SGPL1: variants seen among roughly 807,000 people sequenced by gnomAD.
SGPL1 encodes the protein SP-lyase 1.
A neutral mutation model predicts 68.9 loss-of-function variants in SGPL1; 37 were observed. The ratio of observed to expected loss-of-function variants is 0.54; its 90% CI spans 0.41 to 0.71. The LOEUF is 0.71. SGPL1 is among the 30% of genes least tolerant of loss of function. The probability of loss-of-function intolerance (pLI) is 0.00; values close to 1 mark genes in which losing one functional copy is unlikely to be tolerated. For missense variants in SGPL1, 551 were observed against 704.6 expected (o/e 0.78, Z 2.47); for synonymous variants, 236 against 248.5 (o/e 0.95, Z 0.47).
intron 3 of SGPL1, among the ~76,000 whole-genome samples, chr10:70,844,888 C>T (rs1360862982): frequency 3.9e-5 from 6 of 152,118 alleles, no homozygotes; most frequent in Middle Eastern, 3.4e-3. Context: ...TACAGGCACA[C>T]GCCACCACGC....
At chr10:70,831,321 T>C (rs1039987356) in intron 2 of SGPL1, among the ~76,000 whole-genome samples, 3 of 152,144 alleles carry the variant, frequency 2.0e-5, no homozygotes, top group African/African-American at 4.8e-5. Flanking sequence ...TGTCGCCTAA[T>C]TCAATTCTGA....
chr10:70,816,994 G>T, intron 2 of SGPL1, 114 bp downstream of exon 2: 1 of 1,029,662 alleles, frequency 9.7e-7, no homozygotes, highest in South Asian at 1.3e-5. Flanking sequence ...GTAGCTGAGC[G>T]TTTTGCCACC....
intron 4 of SGPL1, among the ~76,000 whole-genome samples, chr10:70,851,566 A>G (rs1845882079): frequency 6.6e-6 from 1 of 152,182 alleles, no homozygotes; most frequent in Non-Finnish European, 1.5e-5. Flanking sequence ...AGGAGAGATG[A>G]GAAGCCTGTT....
chr10:70,837,826 G>A (rs1845649897), intron 2 of SGPL1, among the ~76,000 whole-genome samples: 1 of 152,190 alleles, frequency 6.6e-6, no homozygotes, highest in Non-Finnish European at 1.5e-5. Context: ...TTGGCTCGTG[G>A]TTCTAGAGGC....
chr10:70,823,388 CA>C (rs1396308668), intron 2 of SGPL1, among the ~76,000 whole-genome samples: 1 of 151,712 alleles, frequency 6.6e-6, no homozygotes, highest in African/African-American at 2.4e-5. Context: ...TAATTATATT[CA>C]AAGCTTTATG....
In SGPL1 at chr10:70,816,281, G is replaced by A. The variant is rs1179181634; in HGVS notation, c.-44+155G>A. On this transcript the variant is annotated intron_variant, in intron 1 of 14. Transcript: ENST00000373202. ...GGGCGGGGGCGGGCTGAAGGCGTGG[G>A]CACCAGCCGCTGAGGTCCAAGCAAG... is the stretch of plus-strand genomic sequence containing the variant. Among the ~76,000 whole-genome samples the A allele has an allele frequency of 4.0e-5, 6 of 148,504 alleles. No individual in the cohort carries two copies. In the East Asian group the frequency reaches 1.2e-3, roughly 30 times the overall value.
Position 70,877,221 on chromosome 10 carries a change from A to C in SGPL1, c.1593A>C (p.Thr531=), listed in dbSNP as rs373190884. The part of the protein sequence containing the change: ...GMGAIYGMAQ[T]TVDRNMVAEL... The stretch of plus-strand genomic sequence containing the variant: ...GTGCCATCTATGGCATGGCCCAGAC[A>C]ACTGTTGACAGGAATATGGTTGCAG... The change falls in exon 15 of 15, where the codon ACA becomes ACC. Residue 531 remains threonine, a synonymous_variant. Transcript: ENST00000373202. The C allele has an allele frequency of 3.1e-6, 5 of 1,614,110 alleles. No individual in the cohort carries two copies. In the African/African-American group the frequency reaches 6.7e-5, roughly 22 times the overall value.
At chr10:70,855,857 A>G (rs1269071650) in intron 5 of SGPL1, among the ~76,000 whole-genome samples, 1 of 152,216 alleles carries the variant, frequency 6.6e-6, no homozygotes, top group Non-Finnish European at 1.5e-5. Context: ...ACATTGGTAC[A>G]GTGCTATTAA....
At chr10:70,861,592 G>A (rs1163979911) in intron 7 of SGPL1, among the ~76,000 whole-genome samples, 1 of 152,222 alleles carries the variant, frequency 6.6e-6, no homozygotes, top group African/African-American at 2.4e-5. Context: ...GCCCCTTTCT[G>A]GGCTGGCCAA....
At chr10:70,836,315 T>C (rs1302825711) in intron 2 of SGPL1, among the ~76,000 whole-genome samples, 2 of 152,132 alleles carry the variant, frequency 1.3e-5, no homozygotes, top group African/African-American at 2.4e-5. Context: ...TCCCAATTAG[T>C]ATGTAGGTAT....
At position 70,859,489 on chromosome 10, in the gene SGPL1, C is replaced by T. The variant is rs772663205; in HGVS notation, c.605C>T (p.Ser202Leu). The change falls in exon 7 of 15, where the codon TCG (serine) becomes TTG (leucine). Residue 202 changes from serine (S) to leucine (L), a missense_variant. Physicochemically the swap from Ser to Leu is moderately radical, Grantham distance 145. Coordinates refer to ENST00000373202, the MANE Select transcript of SGPL1 (RefSeq NM_003901.4). ...TCCCTGTTCAATGGGGGACCAGATT[C>T]GTGTGGATGTGTAAGTATATGCAAG... ...ACSLFNGGPD[S>L]CGCVTSGGTE... 2.0e-5 allele frequency: 31 copies of T among 1,522,128 alleles called. No homozygotes were observed. The highest frequency in any genetic ancestry group is 2.6e-5 in the Non-Finnish European group (29 of 1,131,548). 94.3% of individuals were successfully genotyped at this position (1,522,128 alleles called of 1,614,324 possible).
intron 2 of SGPL1, among the ~76,000 whole-genome samples, chr10:70,842,513 A>G (rs1000567583): frequency 6.6e-6 from 1 of 152,178 alleles, no homozygotes; most frequent in Non-Finnish European, 1.5e-5. Context: ...ACATGGCTTC[A>G]ACATCTGCTT....
At chr10:70,865,052 GAGA>G (rs905414477) in intron 7 of SGPL1, among the ~76,000 whole-genome samples, 6 of 152,298 alleles carry the variant, frequency 3.9e-5, no homozygotes, top group East Asian at 1.9e-4. Flanking sequence ...ACTCACTCAT[GAGA>G]AGAAGAAGAA....
intron 2 of SGPL1, among the ~76,000 whole-genome samples, chr10:70,826,178 C>G (rs1845432640): frequency 6.6e-6 from 1 of 152,116 alleles, no homozygotes; most frequent in African/African-American, 2.4e-5. Context: ...GAGTGAGACT[C>G]TCTCAAAAAA....
chr10:70,870,624 G>A (rs989413493), intron 9 of SGPL1, among the ~76,000 whole-genome samples: 9 of 152,066 alleles, frequency 5.9e-5, no homozygotes, highest in Admixed American at 5.9e-4. Context: ...TCTAGTTTCA[G>A]TGTTCTGTCA....
intron 2 of SGPL1, among the ~76,000 whole-genome samples, chr10:70,829,133 G>C (rs767677668): frequency 1.3e-5 from 2 of 152,144 alleles, no homozygotes; most frequent in Non-Finnish European, 2.9e-5. Flanking sequence ...AGAGTCAACA[G>C]TCTGTTTGGA....
At chr10:70,865,930 T>TA (rs1846178500) in intron 7 of SGPL1, among the ~76,000 whole-genome samples, 1 of 152,232 alleles carries the variant, frequency 6.6e-6, no homozygotes, top group African/African-American at 2.4e-5. Context: ...AGTGAGAGTT[T>TA]TTATACATGT....
chr10:70,849,347 G>A (rs1013647632), intron 3 of SGPL1, among the ~76,000 whole-genome samples: 1 of 152,188 alleles, frequency 6.6e-6, no homozygotes, highest in Non-Finnish European at 1.5e-5. Flanking sequence ...TGTTTAGAAA[G>A]AATTGTTAAT....
chr10:70,874,732 AAAAT>A (rs1846355739), intron 12 of SGPL1, among the ~76,000 whole-genome samples: 1 of 152,102 alleles, frequency 6.6e-6, no homozygotes, highest in Non-Finnish European at 1.5e-5. Context: ...TCAAAAATAA[AAAAT>A]AAATAAAAAT....
Sources: gnomAD v4.1 joint callset for allele counts (sites outside exome capture counted in the v4.1 genomes callset) on GRCh38, gnomAD v4.1.1 for gene constraint, MANE v1.5 for transcripts, NCBI Gene and HGNC (gene_info 2026-07-23, HGNC 2026-07-21) for gene names.